The following FHIT variants were observed in gnomAD, a reference collection of about 807,000 sequenced individuals.
The protein encoded by FHIT is fragile histidine triad diadenosine triphosphatase, also known as bis(5'-adenosyl)-triphosphatase.
In FHIT, 19 loss-of-function variants were observed where a neutral mutation model predicts 17.9. The ratio of observed to expected loss-of-function variants is 1.06; its 90% confidence interval spans 0.74 to 1.56. The LOEUF is 1.56. Among genes scored for constraint, FHIT ranks in the 40% most tolerant of loss-of-function variants. The pLI, the probability that FHIT is intolerant of heterozygous loss-of-function variation, is 0.00. For synonymous variants in FHIT, 81 were observed against 69.7 expected (o/e 1.16, Z -0.81); for missense variants, 248 against 189.2 (o/e 1.31, Z -1.82).
intron 3 of FHIT, among the ~76,000 whole-genome samples, chr3:60,841,242 T>C (rs1702716230): frequency 6.6e-6 from 1 of 152,232 alleles, no homozygotes; most frequent in East Asian, 1.9e-4. Context: ...AAGCTGTCAA[T>C]GTGTTAAATA....
chr3:61,111,758 T>C (rs1197936059), intron 2 of FHIT, among the ~76,000 whole-genome samples: 1 of 152,200 alleles, frequency 6.6e-6, no homozygotes, highest in African/African-American at 2.4e-5. Context: ...AAACTAATAT[T>C]GATTGAGGTC....
chr3:59,824,676 C>A (rs1278778694), intron 8 of FHIT, among the ~76,000 whole-genome samples: 1 of 152,160 alleles, frequency 6.6e-6, no homozygotes, highest in African/African-American at 2.4e-5. Flanking sequence ...GAATCACTTG[C>A]TAAAGGGAGA....
chr3:61,151,117 C>A (rs2037373967), intron 2 of FHIT, among the ~76,000 whole-genome samples: 1 of 152,200 alleles, frequency 6.6e-6, no homozygotes, highest in African/African-American at 2.4e-5. Flanking sequence ...AGAGGTCTCC[C>A]ACACAACTTC....
At chr3:61,032,077 A>G (rs1398348520) in intron 3 of FHIT, among the ~76,000 whole-genome samples, 2 of 152,154 alleles carry the variant, frequency 1.3e-5, no homozygotes, top group African/African-American at 4.8e-5. Flanking sequence ...ATTATTACCA[A>G]CGTCAGTGAT....
intron 8 of FHIT, among the ~76,000 whole-genome samples, chr3:59,767,358 G>C (rs1701852577): frequency 6.6e-6 from 1 of 152,140 alleles, no homozygotes; most frequent in Non-Finnish European, 1.5e-5. Context: ...AATTAGCCAG[G>C]TGGGGTGGTG....
At chr3:59,831,850 G>A (rs1337485083) in intron 8 of FHIT, among the ~76,000 whole-genome samples, 1 of 152,154 alleles carries the variant, frequency 6.6e-6, no homozygotes, top group African/African-American at 2.4e-5. Flanking sequence ...GTGATATAGA[G>A]AGGGTTTAAA....
rs116608784 is a variant in FHIT, at chr3:59,989,689, G to C, written c.279+21682C>G. The stretch of plus-strand genomic sequence containing the variant: ...AAGAAGAACATCTGCATTGAGTTGG[G>C]TGTCTTCATAGGGAGTCATTCTCAG... On this transcript the variant is annotated intron_variant, in intron 7 of 9. Transcript: ENST00000492590. 5.4e-3 allele frequency among the ~76,000 whole-genome samples: 829 copies of C among 152,128 alleles called. 10 individuals carry two copies. Among genetic ancestry groups the C allele is most frequent in the African/African-American group, 0.019 (773 of 41,518 alleles).
intron 5 of FHIT, among the ~76,000 whole-genome samples, chr3:60,280,031 C>CAAAA (rs34574670): frequency 1.1e-4 from 13 of 117,454 alleles, no homozygotes; most frequent in African/African-American, 4.2e-4. Context: ...GACTCTGTCT[C>CAAAA]AAAAAAAAAA....
chr3:59,753,807 AAGATCACCCAGCTAGGTAGTGGG>A (rs1701051712), intron 8 of FHIT, among the ~76,000 whole-genome samples: 1 of 152,118 alleles, frequency 6.6e-6, no homozygotes, highest in Admixed American at 6.6e-5. Context: ...CCCCGGTCCA[AAGATCACCCAGCTAGGTAGTGGG>A]GTAGGTGCCA....
chr3:60,873,412 C>T (rs901769341), intron 3 of FHIT, among the ~76,000 whole-genome samples: 15 of 152,200 alleles, frequency 9.9e-5, no homozygotes, highest in East Asian at 3.8e-4. Flanking sequence ...AAGCACTCAG[C>T]GCCGTCCCAG....
At chr3:60,352,283 T>C (rs1699444401) in intron 5 of FHIT, among the ~76,000 whole-genome samples, 1 of 152,130 alleles carries the variant, frequency 6.6e-6, no homozygotes, top group Non-Finnish European at 1.5e-5. Flanking sequence ...AGTCTGTCAG[T>C]GGTGAGCCTA....
At chr3:59,762,609 C>T (rs1204755162) in intron 8 of FHIT, among the ~76,000 whole-genome samples, 2 of 152,132 alleles carry the variant, frequency 1.3e-5, no homozygotes, top group Admixed American at 6.5e-5. Context: ...TCTATAAATT[C>T]CTGGGAACGT....
intron 5 of FHIT, among the ~76,000 whole-genome samples, chr3:60,132,401 G>A (rs533636887): frequency 6.6e-6 from 1 of 152,236 alleles, no homozygotes; most frequent in African/African-American, 2.4e-5. Flanking sequence ...TATGACCTCA[G>A]ATCTTTTTGC....
At chr3:60,463,464 A>G (rs1197615136) in intron 5 of FHIT, among the ~76,000 whole-genome samples, 1 of 152,190 alleles carries the variant, frequency 6.6e-6, no homozygotes, top group Non-Finnish European at 1.5e-5. Flanking sequence ...AGTTGGCCCT[A>G]TTGGCCCTAA....
intron 7 of FHIT, among the ~76,000 whole-genome samples, chr3:59,964,410 T>C (rs1366406898): frequency 6.6e-6 from 1 of 152,108 alleles, no homozygotes; most frequent in African/African-American, 2.4e-5. Flanking sequence ...TACTACCTAT[T>C]AGTTAATAAA....
chr3:59,944,403 C>G (rs1559486176), intron 7 of FHIT, among the ~76,000 whole-genome samples: 2 of 152,184 alleles, frequency 1.3e-5, no homozygotes, highest in African/African-American at 4.8e-5. Flanking sequence ...CTCCTCCATC[C>G]ATTACAAGAC....
chr3:60,046,243 T>TTTC (rs1701648092), intron 5 of FHIT, among the ~76,000 whole-genome samples: 1 of 152,206 alleles, frequency 6.6e-6, no homozygotes, highest in Non-Finnish European at 1.5e-5. Context: ...ATCTCACACA[T>TTTC]GCCCAGTTTC....
At chr3:60,558,109 T>C (rs1168457793) in intron 4 of FHIT, among the ~76,000 whole-genome samples, 2 of 152,224 alleles carry the variant, frequency 1.3e-5, no homozygotes, top group Admixed American at 6.5e-5. Context: ...ACTTGACTGC[T>C]ACCTGTGTCG....
At chr3:60,842,605 A>G (rs1212634182) in intron 3 of FHIT, among the ~76,000 whole-genome samples, 1 of 125,684 alleles carries the variant, frequency 8.0e-6, no homozygotes, top group Non-Finnish European at 1.7e-5. Context: ...ATGAGTGTAT[A>G]TATATATACA....
Sources: allele counts gnomAD v4.1 joint callset (sites outside exome capture counted in the v4.1 genomes callset), GRCh38; gene constraint gnomAD v4.1.1; transcripts MANE v1.5; gene names NCBI Gene and HGNC (gene_info 2026-07-23, HGNC 2026-07-21).